Variants in SHB observed in about 807,000 individuals in gnomAD.
SHB encodes SH2 domain-containing adapter protein B.
Under a neutral mutation model 52.3 loss-of-function variants are expected in SHB, and 20 were observed. The ratio of observed to expected loss-of-function variants is 0.38; its 90% confidence interval spans 0.27 to 0.56. The LOEUF (loss-of-function observed/expected upper bound fraction) is 0.56. Among genes scored for constraint, SHB ranks in the 20% least tolerant of loss-of-function variants. The pLI, the probability that SHB is intolerant of heterozygous loss-of-function variation, is 0.71. For synonymous variants in SHB, 397 were observed against 316.5 expected (o/e 1.25, Z -2.70); for missense variants, 825 against 723.3 (o/e 1.14, Z -1.61).
At position 37,916,639 on chromosome 9, in the gene SHB, C is replaced by T. The variant is rs749158509; in HGVS notation, c.*3182G>A. 6.6e-6 allele frequency among the ~76,000 whole-genome samples: 1 copy of T among 152,264 alleles called. No individual in the cohort carries two copies. The highest frequency in any genetic ancestry group is 1.5e-5 in the Non-Finnish European group (1 of 68,046). On this transcript the variant is annotated 3_prime_UTR_variant, in exon 6 of 6. Transcript: ENST00000377707. ...GAGGACAGGGCCTGCCTCCTGAAGC[C>T]TCGGAGTCTTTGCACCCCTTTCCTG...
chr9:38,024,528 C>CCT (rs943154767), intron 1 of SHB, among the ~76,000 whole-genome samples: 9 of 152,084 alleles, frequency 5.9e-5, no homozygotes, highest in Admixed American at 5.9e-4. Flanking sequence ...GCTTGCTCAG[C>CCT]CTCTCTCTCT....
At chr9:38,063,192 C>CGCA (rs1375971585) in intron 1 of SHB, among the ~76,000 whole-genome samples, 3 of 152,226 alleles carry the variant, frequency 2.0e-5, no homozygotes, top group African/African-American at 7.2e-5. Flanking sequence ...CAACCCTGAC[C>CGCA]TTTGCCATTA....
At chr9:37,949,199 C>T (rs1403090771) in intron 4 of SHB, among the ~76,000 whole-genome samples, 3 of 151,976 alleles carry the variant, frequency 2.0e-5, no homozygotes, top group Admixed American at 6.6e-5. Flanking sequence ...TCAAAACCAG[C>T]CTGGCCAACA....
intron 3 of SHB, among the ~76,000 whole-genome samples, chr9:37,971,089 G>GA (rs1257444096): frequency 6.6e-6 from 1 of 152,118 alleles, no homozygotes. Flanking sequence ...CAAAAGCCAA[G>GA]AAAAAACTGC....
In SHB at chr9:37,998,216, G is replaced by A. The variant is rs547082468; in HGVS notation, c.838+17795C>T. ...GGGAGCAGGCAGCTTGGAGGGAGGAGGGAGGAGGGAGGGAAGCACTAGGGC... is the reference window on the plus strand; with the variant it reads ...GGGAGCAGGCAGCTTGGAGGGAGGAAGGAGGAGGGAGGGAAGCACTAGGGC... On this transcript the variant is annotated intron_variant, in intron 2 of 5. Transcript: ENST00000377707. 2.0e-5 allele frequency among the ~76,000 whole-genome samples: 3 copies of A among 151,740 alleles called. No homozygotes were observed. In the East Asian group the frequency reaches 5.8e-4, roughly 29 times the overall value.
chr9:38,029,113 T>C (rs1179810122), intron 1 of SHB, among the ~76,000 whole-genome samples: 2 of 152,172 alleles, frequency 1.3e-5, no homozygotes, highest in African/African-American at 4.8e-5. Flanking sequence ...ATGATTCTAG[T>C]CCACCACAGC....
intron 1 of SHB, among the ~76,000 whole-genome samples, chr9:38,055,577 C>T (rs572525496): frequency 6.6e-6 from 1 of 152,264 alleles, no homozygotes; most frequent in African/African-American, 2.4e-5. Flanking sequence ...CAGCCATACC[C>T]ACCTCGCCCA....
At chr9:37,957,982 G>A (rs757535389) in intron 3 of SHB, among the ~76,000 whole-genome samples, 16 of 152,208 alleles carry the variant, frequency 1.1e-4, no homozygotes, top group Non-Finnish European at 1.6e-4. Flanking sequence ...TGGGAAGGAA[G>A]CTGGGCTTCC....
chr9:37,949,405 A>G (rs1031446596), intron 4 of SHB, among the ~76,000 whole-genome samples: 11 of 151,798 alleles, frequency 7.2e-5, no homozygotes, highest in East Asian at 3.9e-4. Context: ...AAAAAAAAAA[A>G]AAAAAGAAAA....
At chr9:38,049,067 C>T (rs983365411) in intron 1 of SHB, among the ~76,000 whole-genome samples, 4 of 152,350 alleles carry the variant, frequency 2.6e-5, no homozygotes, top group South Asian at 2.1e-4. Flanking sequence ...GTCACCTAGA[C>T]TGGAGTGCAG....
chr9:37,936,022 G>C (rs1832365449), intron 5 of SHB, among the ~76,000 whole-genome samples: 3 of 149,610 alleles, frequency 2.0e-5, no homozygotes, highest in Non-Finnish European at 4.4e-5. Flanking sequence ...GACCAACATG[G>C]TGAAACCCCG....
intron 1 of SHB, among the ~76,000 whole-genome samples, chr9:38,056,109 C>G (rs1232805136): frequency 1.3e-5 from 2 of 152,032 alleles, no homozygotes; most frequent in Non-Finnish European, 2.9e-5. Context: ...CTGATGAGAC[C>G]TAAACACTGT....
At chr9:37,949,533 C>T (rs1832539524) in intron 4 of SHB, among the ~76,000 whole-genome samples, 3 of 152,138 alleles carry the variant, frequency 2.0e-5, no homozygotes, top group South Asian at 2.1e-4. Flanking sequence ...AAATCAGCAG[C>T]GAAGGCCAAG....
intron 3 of SHB, among the ~76,000 whole-genome samples, chr9:37,961,779 C>T (rs964886477): frequency 5.9e-5 from 9 of 152,352 alleles, no homozygotes; most frequent in African/African-American, 2.2e-4. Context: ...GGTAGAATTC[C>T]TTTCTCCTCC....
At chr9:38,031,116 TAGAGA>T (rs1341083061) in intron 1 of SHB, among the ~76,000 whole-genome samples, 2 of 152,130 alleles carry the variant, frequency 1.3e-5, no homozygotes, top group African/African-American at 4.8e-5. Flanking sequence ...GGTCAGGAGA[TAGAGA>T]CCATCATGGC....
intron 2 of SHB, among the ~76,000 whole-genome samples, chr9:37,978,208 T>A (rs1162765280): frequency 6.6e-6 from 1 of 152,224 alleles, no homozygotes; most frequent in Non-Finnish European, 1.5e-5. Context: ...AAGGGAAACA[T>A]GTGCAGTGAA....
chr9:38,004,018 C>A lies in SHB; in HGVS notation c.838+11993G>T, dbSNP rs373696341. Among the ~76,000 whole-genome samples, 12 of 152,314 alleles carry A rather than the reference C, an allele frequency of 7.9e-5. No homozygotes were observed. In the South Asian group the frequency reaches 2.5e-3, roughly 32 times the overall value. ...TCAGGCCCATGTGCTTCCCTCAGCC[C>A]AGGGTCCATCCGGCCCATTGACTGC... On this transcript the variant is annotated intron_variant, in intron 2 of 5. Coordinates refer to ENST00000377707, the MANE Select transcript of SHB (RefSeq NM_003028.3).
intron 2 of SHB, chr9:38,015,616 C>T (rs1234261009): frequency 3.0e-5 from 18 of 603,754 alleles, no homozygotes; most frequent in Non-Finnish European, 5.3e-5. Flanking sequence ...AGCCAGGTGA[C>T]CCAGCCTGCT....
chr9:37,949,582 G>A (rs144901353), intron 4 of SHB, among the ~76,000 whole-genome samples: 39 of 152,278 alleles, frequency 2.6e-4, no homozygotes, highest in African/African-American at 7.7e-4. Context: ...ACAGCTAGGG[G>A]CCAGCATGGA....
Sources: allele counts gnomAD v4.1 joint callset (sites outside exome capture counted in the v4.1 genomes callset), GRCh38; gene constraint gnomAD v4.1.1; transcripts MANE v1.5; gene names NCBI Gene and HGNC (gene_info 2026-07-23, HGNC 2026-07-21).